TRIM36: variants seen among roughly 807,000 people sequenced by gnomAD.
The protein encoded by TRIM36 is tripartite motif containing 36.
Under a neutral mutation model 72.4 loss-of-function variants are expected in TRIM36, and 42 were observed. That is an observed-to-expected ratio of 0.58 (90% CI 0.45 to 0.75). TRIM36 has a LOEUF of 0.75. TRIM36 is among the 30% of genes least tolerant of loss of function. The pLI is 0.00. For missense variants in TRIM36, 913 were observed against 857.1 expected (o/e 1.07, Z -0.81); for synonymous variants, 315 against 282.8 (o/e 1.11, Z -1.14).
chr5:115,179,343 G>A (rs1429684830), intron 1 of TRIM36, among the ~76,000 whole-genome samples: 1 of 152,238 alleles, frequency 6.6e-6, no homozygotes, highest in Non-Finnish European at 1.5e-5. Flanking sequence ...CAGGTGTGGG[G>A]CTGAAATCCC....
chr5:115,169,578 G>C, intron 1 of TRIM36, 30 bp downstream of exon 1: 1 of 1,504,652 alleles, frequency 6.6e-7, no homozygotes, highest in South Asian at 1.2e-5. Context: ...CCGCCCTCGA[G>C]GTGGGGGCGG....
At chr5:115,154,622 A>T (rs265403) in intron 2 of TRIM36, among the ~76,000 whole-genome samples, 115,932 of 152,084 alleles carry the variant, frequency 0.76, 44,409 homozygotes, top group African/African-American at 0.83. Context: ...TACAACCTTC[A>T]TAGCTTAAAT....
chr5:115,141,139 C>A, intron 5 of TRIM36, 140 bp downstream of exon 5: 1 of 602,686 alleles, frequency 1.7e-6, no homozygotes, highest in Non-Finnish European at 2.8e-6. Flanking sequence ...GTTTCCATAG[C>A]CCCAGAAAAG....
At chr5:115,162,409 C>T (rs578248809) in intron 2 of TRIM36, among the ~76,000 whole-genome samples, 8 of 152,324 alleles carry the variant, frequency 5.3e-5, no homozygotes, top group African/African-American at 1.9e-4. Context: ...TCTCATTCAA[C>T]ATCCATTCAA....
At chr5:115,159,494 C>T in intron 2 of TRIM36, 3 of 264,576 alleles carry the variant, frequency 1.1e-5, no homozygotes, top group South Asian at 1.1e-4. Flanking sequence ...TCCTGTTGAC[C>T]TTTAAGTCGT....
At chr5:115,127,250 G>A (rs1008684769) in intron 9 of TRIM36, among the ~76,000 whole-genome samples, 4 of 152,314 alleles carry the variant, frequency 2.6e-5, no homozygotes, top group African/African-American at 7.2e-5. Flanking sequence ...CAGTGGTCCC[G>A]TAAGACTATA....
At position 115,137,613 on chromosome 5, in the gene TRIM36, T is replaced by A; in HGVS notation, c.835A>T (p.Asn279Tyr). The change falls in exon 6 of 10, where the codon AAT becomes TAT. Residue 279 changes from asparagine (N) to tyrosine (Y), a missense_variant. Physicochemically the swap from Asn to Tyr is moderately radical, Grantham distance 143. Transcript: ENST00000513154. ...GCTTCTTCTTTAGCCCTCTCTCCAT[T>A]ACACTAAGAAAAAACAGTATCTCCA... ...LNLLMKETECNGERAKEEAIT... is the reference protein window; with the variant it reads ...LNLLMKETECYGERAKEEAIT... 2 of 1,589,892 alleles carry A rather than the reference T, an allele frequency of 1.3e-6. No homozygotes were observed. The highest frequency in any genetic ancestry group is 1.8e-5 in the Admixed American group (1 of 55,294).
intron 1 of TRIM36, among the ~76,000 whole-genome samples, chr5:115,164,363 C>A (rs1754647382): frequency 6.6e-6 from 1 of 152,126 alleles, no homozygotes; most frequent in South Asian, 2.1e-4. Flanking sequence ...ATGTATTAGT[C>A]CATTTTCACA....
At position 115,144,698 on chromosome 5, in the gene TRIM36, C is replaced by T. The variant is rs1753483390; in HGVS notation, c.635G>A (p.Cys212Tyr). 1 of 1,614,094 alleles carries T rather than the reference C, an allele frequency of 6.2e-7. No individual in the cohort carries two copies. Among genetic ancestry groups the T allele is most frequent in the Non-Finnish European group, 8.5e-7 (1 of 1,180,008 alleles). The change falls in exon 4 of 10, where the codon TGT becomes TAT. Residue 212 changes from cysteine (C) to tyrosine (Y), a missense_variant. Physicochemically the swap from Cys to Tyr is radical, Grantham distance 194 (BLOSUM62 -2). Transcript: ENST00000513154. The stretch of plus-strand genomic sequence containing the variant: ...GCAAACTGGCCTCCTACATAATTCA[C>T]AGTACATGTTTATTCTCTCTGTTTC... ...EHETERINMY[C>Y]ELCRRPVCHL...
At chr5:115,130,006 G>A (rs2921624) in intron 9 of TRIM36, among the ~76,000 whole-genome samples, 150,898 of 152,312 alleles carry the variant, frequency 0.99, 74,764 homozygotes, top group Middle Eastern at 1. Context: ...TCTTTCTGAA[G>A]AAAGCTTTTC....
chr5:115,140,781 T>TG (rs1338916683), intron 5 of TRIM36, among the ~76,000 whole-genome samples: 1 of 152,176 alleles, frequency 6.6e-6, no homozygotes, highest in African/African-American at 2.4e-5. Context: ...AATGGGCATG[T>TG]GGGTAGATCC....
At position 115,163,572 on chromosome 5, in the gene TRIM36, G is replaced by A. The variant is rs765467230; in HGVS notation, c.208C>T (p.Arg70Ter). 6.8e-6 allele frequency: 11 copies of A among 1,614,138 alleles called. No homozygotes were observed. Among genetic ancestry groups the A allele is most frequent in the East Asian group, 2.2e-5 (1 of 44,874 alleles). Residue 70 changes from arginine to a stop codon, truncating the protein, a stop_gained, in exon 2 of 10, where the codon CGA becomes TGA. Transcript: ENST00000513154. LOFTEE classifies it high-confidence loss of function. Reference sequence around the variant, plus strand: ...ATACTAGGGGAGGGGAGCCGAAGTCGAGGACTGCTTTGATTGGAGTTGTCT... The same window carrying A: ...ATACTAGGGGAGGGGAGCCGAAGTCAAGGACTGCTTTGATTGGAGTTGTCT... ...GSDNSNQSSP[R>*]LRLPSPSMDK...
At chr5:115,161,158 T>C (rs1038552728) in intron 2 of TRIM36, among the ~76,000 whole-genome samples, 1 of 151,882 alleles carries the variant, frequency 6.6e-6, no homozygotes, top group Non-Finnish European at 1.5e-5. Flanking sequence ...TTACAGCTGT[T>C]ATAAAGCTTT....
chr5:115,177,007 A>G (rs185510676), intron 1 of TRIM36: 4 of 152,270 alleles, frequency 2.6e-5, no homozygotes, highest in African/African-American at 9.6e-5. Flanking sequence ...AGTAGCCATC[A>G]CAATAGAGTA....
chr5:115,126,871 C>T lies in TRIM36; in HGVS notation c.1797-14G>A. The T allele has an allele frequency of 6.3e-7, 1 of 1,593,652 alleles. No homozygotes were observed. Among genetic ancestry groups the T allele is most frequent in the African/African-American group, 1.3e-5 (1 of 74,212 alleles). ...TCTTGCTCATATCTGAAACATAATA[C>T]AAAGCATCTGTATCTTCAACAATAG... On this transcript the variant is annotated splice_polypyrimidine_tract_variant and intron_variant, in intron 9 of 9. Coordinates refer to ENST00000513154, the MANE Select transcript of TRIM36 (RefSeq NM_001300759.2).
chr5:115,140,002 A>G (rs3805595), intron 5 of TRIM36, among the ~76,000 whole-genome samples: 10,864 of 152,264 alleles, frequency 0.071, 926 homozygotes, highest in East Asian at 0.39. Context: ...GCAACCTACT[A>G]AGGTGATCAT....
chr5:115,144,261 C>T (rs1467620515), intron 4 of TRIM36, among the ~76,000 whole-genome samples: 1 of 152,160 alleles, frequency 6.6e-6, no homozygotes, highest in Non-Finnish European at 1.5e-5. Context: ...AAAACAGCCA[C>T]AACCCTTTAA....
intron 1 of TRIM36, among the ~76,000 whole-genome samples, chr5:115,179,316 T>C (rs998541454): frequency 1.3e-4 from 20 of 152,242 alleles, no homozygotes; most frequent in African/African-American, 4.3e-4. Context: ...CAGCCTGCGT[T>C]CCTAAAGGCT....
intron 3 of TRIM36, among the ~76,000 whole-genome samples, chr5:115,145,777 A>G (rs1753558947): frequency 6.6e-6 from 1 of 152,232 alleles, no homozygotes; most frequent in South Asian, 2.1e-4. Flanking sequence ...GTTCAGGAGA[A>G]AAACAACTGG....
Sources: gnomAD v4.1 joint callset for allele counts (sites outside exome capture counted in the v4.1 genomes callset) on GRCh38, gnomAD v4.1.1 for gene constraint, MANE v1.5 for transcripts, NCBI Gene and HGNC (gene_info 2026-07-23, HGNC 2026-07-21) for gene names.